Variants in CAPZA2 observed in about 807,000 individuals in gnomAD.
CAPZA2 encodes F-actin-capping protein subunit alpha-2.
In CAPZA2, 13 loss-of-function variants were observed where a neutral mutation model predicts 44.0. The ratio of observed to expected loss-of-function variants is 0.30; its 90% CI spans 0.19 to 0.47. The LOEUF is 0.47. Ranked by LOEUF, CAPZA2 falls within the 20% of genes least tolerant of loss-of-function variation. CAPZA2 has a pLI of 1.00. For synonymous variants in CAPZA2, 94 were observed against 108.2 expected, an observed-to-expected ratio of 0.87 and a Z score of 0.81; for missense variants, 244 against 338.6, an observed-to-expected ratio of 0.72 and a Z score of 2.19.
Position 116,893,004 on chromosome 7 carries a change from A to C in CAPZA2, c.114A>C (p.Leu38Phe). 1 of 1,595,282 alleles carries C rather than the reference A, an allele frequency of 6.3e-7. No individual in the cohort carries two copies. The highest frequency in any genetic ancestry group is 8.6e-7 in the Non-Finnish European group (1 of 1,166,792). ...EFNEVFNDVR[L>F]LLNNDNLLRE... ...ATAATTGTTTTGCAGATGTTCGGTT[A>C]CTGCTTAATAATGACAATCTTCTCA... The change falls in exon 3 of 10, where the codon TTA becomes TTC. Residue 38 changes from leucine to phenylalanine, a missense_variant. By Grantham distance (22) the Leu-to-Phe change is conservative. Coordinates refer to ENST00000361183, the MANE Select transcript of CAPZA2 (RefSeq NM_006136.3).
chr7:116,884,237 A>T (rs879648272), intron 1 of CAPZA2, among the ~76,000 whole-genome samples: 24 of 152,022 alleles, frequency 1.6e-4, no homozygotes, highest in Admixed American at 3.3e-4. Context: ...GAAAACACAT[A>T]AAAAAATTTA....
chr7:116,905,100 C>T (rs1332657494), intron 5 of CAPZA2, among the ~76,000 whole-genome samples: 15 of 148,588 alleles, frequency 1.0e-4, no homozygotes, highest in Non-Finnish European at 2.1e-4. Flanking sequence ...GATTGCGCCA[C>T]TCCACTCCAG....
chr7:116,897,207 A>G (rs540002087), intron 3 of CAPZA2, among the ~76,000 whole-genome samples: 1 of 152,278 alleles, frequency 6.6e-6, no homozygotes, highest in South Asian at 2.1e-4. Context: ...AATGAATCCA[A>G]AATTCTAATT....
chr7:116,881,672 G>C (rs1348512409), intron 1 of CAPZA2, among the ~76,000 whole-genome samples: 1 of 145,272 alleles, frequency 6.9e-6, no homozygotes, highest in African/African-American at 2.6e-5. Context: ...CCGGGAGGCA[G>C]AGCTTGCAGT....
intron 7 of CAPZA2, among the ~76,000 whole-genome samples, chr7:116,911,140 G>A (rs955868025): frequency 6.6e-6 from 1 of 152,054 alleles, no homozygotes; most frequent in African/African-American, 2.4e-5. Context: ...CCTCAGTGGC[G>A]CTTACCTGGA....
Position 116,888,108 on chromosome 7 carries a change from ATCTT to A in CAPZA2, c.40-11_40-8del, listed in dbSNP as rs763326171. 8.9e-6 allele frequency: 14 copies of A among 1,580,302 alleles called. No homozygotes were observed. The highest frequency in any genetic ancestry group is 1.3e-5 in the African/African-American group (1 of 74,202). On this transcript the variant is annotated splice_polypyrimidine_tract_variant and intron_variant, in intron 1 of 9. Coordinates refer to ENST00000361183, the MANE Select transcript of CAPZA2 (RefSeq NM_006136.3). ...GAAGCCTGTGATATGGAACATTTAT[ATCTT>A]TCTTTCTGTTTCAGGTGCGTATAGC...
At chr7:116,890,079 C>T (rs1335923041) in intron 2 of CAPZA2, among the ~76,000 whole-genome samples, 1 of 152,122 alleles carries the variant, frequency 6.6e-6, no homozygotes, top group Non-Finnish European at 1.5e-5. Flanking sequence ...AATTACAATT[C>T]ACAGAGCCAA....
rs1399441148 is a variant in CAPZA2, at chr7:116,917,879, C to T, written c.*12C>T. The T allele has an allele frequency of 1.2e-6, 2 of 1,607,284 alleles. No homozygotes were observed. Among genetic ancestry groups the T allele is most frequent in the Non-Finnish European group, 1.7e-6 (2 of 1,174,022 alleles). ...TGCAGAATGCATAAGATGAACATTGCATGACCGGATCATTTTAGTGTCTTT... is the reference window on the plus strand; with the variant it reads ...TGCAGAATGCATAAGATGAACATTGTATGACCGGATCATTTTAGTGTCTTT... On this transcript the variant is annotated 3_prime_UTR_variant, in exon 10 of 10. Transcript: ENST00000361183.
rs1337088091 is a variant in CAPZA2 at position 116,918,178 on chromosome 7, T to C, written c.*311T>C. 1.3e-5 allele frequency: 3 copies of C among 224,430 alleles called. No homozygotes were observed. In the Admixed American group the frequency reaches 1.5e-4, roughly 11 times the overall value. The allele number at this position is 224,430 out of a possible 1,614,324, so 13.9% of individuals were successfully genotyped here. A position where few individuals can be genotyped will look rare whatever the true frequency, so the allele number is the denominator to read the frequency against. On this transcript the variant is annotated 3_prime_UTR_variant, in exon 10 of 10. Transcript: ENST00000361183. ...AGTGTCTCAAAAATATTTTACTAAC[T>C]GTAACCCTAAAATTGATGTCTTTTG...
chr7:116,862,918 C>T (rs996317673), intron 1 of CAPZA2, among the ~76,000 whole-genome samples: 2 of 150,432 alleles, frequency 1.3e-5, no homozygotes, highest in African/African-American at 4.9e-5. Context: ...CGGGCGACGG[C>T]GGGCGGGGGC....
rs1791703642 is a variant in CAPZA2, at chr7:116,917,993, A to C, written c.*126A>C. 1 of 672,868 alleles carries C rather than the reference A, an allele frequency of 1.5e-6. No homozygotes were observed. The highest frequency in any genetic ancestry group is 2.7e-5 in the East Asian group (1 of 36,542). 41.7% of individuals were successfully genotyped at this position (672,868 alleles called of 1,614,324 possible). ...CCATTTAAAATCACTGTAATTAATTAGTTTGATTAGAGCACAAAGCTTAGC... is the reference window on the plus strand; with the variant it reads ...CCATTTAAAATCACTGTAATTAATTCGTTTGATTAGAGCACAAAGCTTAGC... On this transcript the variant is annotated 3_prime_UTR_variant, in exon 10 of 10. Coordinates refer to ENST00000361183, the MANE Select transcript of CAPZA2 (RefSeq NM_006136.3).
intron 1 of CAPZA2, among the ~76,000 whole-genome samples, chr7:116,868,225 T>TA (rs1796507297): frequency 6.6e-6 from 1 of 152,216 alleles, no homozygotes; most frequent in Non-Finnish European, 1.5e-5. Flanking sequence ...GCGTAATAGT[T>TA]ATTTGCTTAC....
chr7:116,903,707 G>A (rs1006463028), intron 4 of CAPZA2, among the ~76,000 whole-genome samples: 14 of 152,134 alleles, frequency 9.2e-5, no homozygotes, highest in African/African-American at 2.4e-4. Flanking sequence ...AAACAGATAC[G>A]TCAAAGTAGG....
chr7:116,911,961 T>C lies in CAPZA2; in HGVS notation c.586-108T>C, dbSNP rs2115977569. 5.6e-5 allele frequency: 87 copies of C among 1,549,538 alleles called. 3 individuals carry two copies. The South Asian group carries it at 9.3e-4, about 17-fold the overall frequency. On this transcript the variant is annotated intron_variant, in intron 7 of 9. Transcript: ENST00000361183. ...AGTTTTGGGGCTCAGCAGAGAAGTCTAGACTAGAGCTGAAATATGTAGTCA... is the reference window on the plus strand; with the variant it reads ...AGTTTTGGGGCTCAGCAGAGAAGTCCAGACTAGAGCTGAAATATGTAGTCA...
chr7:116,898,655 T>G (rs1256479544), intron 3 of CAPZA2, 117 bp from the exon 4 acceptor site: 3 of 531,066 alleles, frequency 5.6e-6, no homozygotes, highest in Non-Finnish European at 6.5e-6. Flanking sequence ...ACAATTTTAT[T>G]TATTTTGCAG....
Position 116,882,125 on chromosome 7 carries a change from A to T in CAPZA2, c.40-6002A>T, listed in dbSNP as rs1292703741. ...TATTTGGTAAAGGTGGTGTATGGCG[A>T]GTTTCCTCAATGTAAAATTACTATT... On this transcript the variant is annotated intron_variant, in intron 1 of 9. Transcript: ENST00000361183. Among the ~76,000 whole-genome samples, 3 of 152,174 alleles carry T rather than the reference A, an allele frequency of 2.0e-5. No homozygotes were observed. The East Asian group carries it at 5.8e-4, about 29-fold the overall frequency.
rs1195554286 is a variant in CAPZA2, at chr7:116,919,169, T to C, written c.*1302T>C. 1 of 152,490 alleles carries C rather than the reference T, an allele frequency of 6.6e-6. No individual in the cohort carries two copies. The highest frequency in any genetic ancestry group is 2.4e-5 in the African/African-American group (1 of 41,428). The allele number at this position is 152,490 out of a possible 1,614,324, so 9.4% of individuals were successfully genotyped here. A position where few individuals can be genotyped will look rare whatever the true frequency, so the allele number is the denominator to read the frequency against. ...TTCATTAGCTTGAATTGTATAGATT[T>C]TTAAAAATTCAATGAAAGCATGTTG... is the stretch of plus-strand genomic sequence containing the variant. On this transcript the variant is annotated 3_prime_UTR_variant, in exon 10 of 10. Coordinates refer to ENST00000361183, the MANE Select transcript of CAPZA2 (RefSeq NM_006136.3).
At chr7:116,898,680 G>A (rs1380590839) in intron 3 of CAPZA2, 92 bp from the exon 4 acceptor site, 1 of 719,552 alleles carries the variant, frequency 1.4e-6, no homozygotes, top group Non-Finnish European at 2.3e-6. Context: ...CAATGTAGGA[G>A]GAGACTTTAT....
At chr7:116,892,716 T>TG (rs1417344841) in intron 2 of CAPZA2, among the ~76,000 whole-genome samples, 8 of 152,036 alleles carry the variant, frequency 5.3e-5, no homozygotes, top group Admixed American at 5.2e-4. Context: ...TCCTAGGCCA[T>TG]GGGTTGGACA....
Sources: gnomAD v4.1 joint callset for allele counts (sites outside exome capture counted in the v4.1 genomes callset) on GRCh38, gnomAD v4.1.1 for gene constraint, MANE v1.5 for transcripts, NCBI Gene and HGNC (gene_info 2026-07-23, HGNC 2026-07-21) for gene names.